GLI2: variants seen among roughly 807,000 people sequenced by gnomAD.
The protein encoded by GLI2 is transcription activator GLI2.
A neutral mutation model predicts 78.9 loss-of-function variants in GLI2; 22 were observed. The ratio of observed to expected loss-of-function variants is 0.28; its 90% CI spans 0.20 to 0.40. The LOEUF (loss-of-function observed/expected upper bound fraction) is 0.40. Ranked by LOEUF, GLI2 falls within the 10% of genes least tolerant of loss-of-function variation. GLI2 has a pLI of 1.00. For missense variants in GLI2, 2,097 were observed against 2,213.2 expected (o/e 0.95, Z 1.05); for synonymous variants, 974 against 963.7 (o/e 1.01, Z -0.20).
rs117344822 is a variant in GLI2, at chr2:120,790,404, G to A, written c.-30-6887G>A. Among the ~76,000 whole-genome samples the A allele has an allele frequency of 6.7e-4, 102 of 152,284 alleles. 1 individual carries two copies. The highest frequency in any genetic ancestry group is 5.6e-3 in the East Asian group (29 of 5,178). ...CCAGACACCATGGCCCTGCCTCCCC[G>A]CATCTGACCAGTCCAGGCATCATTT... On this transcript the variant is annotated intron_variant, in intron 1 of 13. Transcript: ENST00000361492.
In GLI2 at chr2:120,830,457, T is replaced by G. The variant is rs1161999850; in HGVS notation, c.148+32989T>G. ...GTGTGTGTGGGTTTTTGTTCATGCT[T>G]CTGCTGGTGTGTACGGAGAAGTGGG... On this transcript the variant is annotated intron_variant, in intron 2 of 13. Coordinates refer to ENST00000361492, the MANE Select transcript of GLI2 (RefSeq NM_001374353.1). 2.6e-5 allele frequency among the ~76,000 whole-genome samples: 4 copies of G among 152,352 alleles called. No individual in the cohort carries two copies. In the South Asian group the frequency reaches 8.3e-4, roughly 32 times the overall value.
At chr2:120,942,165 C>T (rs967337152) in intron 3 of GLI2, among the ~76,000 whole-genome samples, 1 of 152,168 alleles carries the variant, frequency 6.6e-6, no homozygotes, top group South Asian at 2.1e-4. Flanking sequence ...CTTTCCATGA[C>T]GAGTTCATTT....
At chr2:120,797,947 A>G (rs900821348) in intron 2 of GLI2, among the ~76,000 whole-genome samples, 2 of 152,178 alleles carry the variant, frequency 1.3e-5, no homozygotes, top group African/African-American at 4.8e-5. Context: ...CAACTTAATT[A>G]TAACAAAAGA....
At chr2:120,869,085 C>T (rs72835589) in intron 2 of GLI2, among the ~76,000 whole-genome samples, 5,207 of 151,854 alleles carry the variant, frequency 0.034, 119 homozygotes, top group Non-Finnish European at 0.051. Context: ...GGTCTATGTG[C>T]CTGTTTTTGT....
At chr2:120,975,566 T>C (rs1002642758) in intron 9 of GLI2, among the ~76,000 whole-genome samples, 2 of 152,152 alleles carry the variant, frequency 1.3e-5, no homozygotes, top group African/African-American at 4.8e-5. Flanking sequence ...TCCTTTCCTT[T>C]TGGGGACTAT....
intron 2 of GLI2, among the ~76,000 whole-genome samples, chr2:120,878,947 T>C (rs1455166159): frequency 6.6e-6 from 1 of 151,904 alleles, no homozygotes; most frequent in Non-Finnish European, 1.5e-5. Context: ...AAAAAATCTT[T>C]CTTCTGGCTG....
At chr2:120,823,590 C>T (rs537037884) in intron 2 of GLI2, among the ~76,000 whole-genome samples, 2 of 152,322 alleles carry the variant, frequency 1.3e-5, no homozygotes, top group East Asian at 1.9e-4. Flanking sequence ...ATGTGGGGAG[C>T]ACACAGAAGT....
chr2:120,853,379 C>T (rs1186595390), intron 2 of GLI2, among the ~76,000 whole-genome samples: 1 of 152,112 alleles, frequency 6.6e-6, no homozygotes, highest in East Asian at 1.9e-4. Context: ...GAGGAGGTGT[C>T]GTGGAAGAGA....
chr2:120,932,375 G>A (rs1001401145), intron 3 of GLI2, among the ~76,000 whole-genome samples: 4 of 151,938 alleles, frequency 2.6e-5, no homozygotes, highest in African/African-American at 7.3e-5. Context: ...CCCCCTCCCC[G>A]TTCCCTCTCA....
chr2:120,965,485 A>G (rs56266131), intron 5 of GLI2, among the ~76,000 whole-genome samples: 2 of 137,996 alleles, frequency 1.4e-5, no homozygotes, highest in Non-Finnish European at 3.1e-5. Context: ...CGGGATGCAG[A>G]TGCTGCGGCA....
intron 1 of GLI2, among the ~76,000 whole-genome samples, chr2:120,774,078 C>T (rs867012938): frequency 6.6e-6 from 1 of 151,940 alleles, no homozygotes; most frequent in Non-Finnish European, 1.5e-5. Context: ...GCAGGCACCC[C>T]GATAGGATGT....
intron 2 of GLI2, among the ~76,000 whole-genome samples, chr2:120,856,657 A>G (rs888887337): frequency 3.9e-5 from 6 of 151,902 alleles, no homozygotes; most frequent in African/African-American, 1.5e-4. Flanking sequence ...AGGGCCCCCT[A>G]ATCTCCAGGG....
At chr2:120,816,794 C>A (rs1214792983) in intron 2 of GLI2, among the ~76,000 whole-genome samples, 3 of 152,124 alleles carry the variant, frequency 2.0e-5, no homozygotes, top group African/African-American at 7.2e-5. Flanking sequence ...TGAAGGAAAT[C>A]CAGTCTAATA....
At chr2:120,783,376 C>T (rs1213076014) in intron 1 of GLI2, among the ~76,000 whole-genome samples, 1 of 152,156 alleles carries the variant, frequency 6.6e-6, no homozygotes, top group Non-Finnish European at 1.5e-5. Flanking sequence ...GGCACCTGGT[C>T]TCACAAAGCC....
chr2:120,778,054 G>T (rs1317573121), intron 1 of GLI2, among the ~76,000 whole-genome samples: 1 of 152,130 alleles, frequency 6.6e-6, no homozygotes, highest in Non-Finnish European at 1.5e-5. Context: ...GCTCAGCATG[G>T]TTGTGATGGG....
At chr2:120,851,498 C>T (rs577625668) in intron 2 of GLI2, among the ~76,000 whole-genome samples, 1 of 152,370 alleles carries the variant, frequency 6.6e-6, no homozygotes, top group South Asian at 2.1e-4. Context: ...ACCAGGAAGG[C>T]TTTGTCAAGG....
At chr2:120,756,020 G>T (rs1683024900) in intron 1 of GLI2, among the ~76,000 whole-genome samples, 1 of 152,094 alleles carries the variant, frequency 6.6e-6, no homozygotes, top group African/African-American at 2.4e-5. Context: ...AGCTCTCTAA[G>T]TATTCTTTTT....
chr2:120,805,705 CCCT>C (rs1684916715), intron 2 of GLI2, among the ~76,000 whole-genome samples: 1 of 152,176 alleles, frequency 6.6e-6, no homozygotes, highest in Non-Finnish European at 1.5e-5. Flanking sequence ...CTCAACCTGG[CCCT>C]CCTCCTGGCC....
intron 2 of GLI2, among the ~76,000 whole-genome samples, chr2:120,816,384 G>A (rs1370803388): frequency 6.6e-6 from 1 of 151,850 alleles, no homozygotes; most frequent in African/African-American, 2.4e-5. Flanking sequence ...TTGTAGAGAC[G>A]GGGTTTTGCC....
Sources: allele counts gnomAD v4.1 joint callset (sites outside exome capture counted in the v4.1 genomes callset), GRCh38; gene constraint gnomAD v4.1.1; transcripts MANE v1.5; gene names NCBI Gene and HGNC (gene_info 2026-07-23, HGNC 2026-07-21).